Variants in SPTLC3 observed in about 807,000 individuals in gnomAD.
SPTLC3 encodes serine palmitoyltransferase long chain base subunit 3.
A neutral mutation model predicts 59.3 loss-of-function variants in SPTLC3; 36 were observed. The ratio of observed to expected loss-of-function variants is 0.61; its 90% CI spans 0.47 to 0.80. The LOEUF is 0.80. Ranked by LOEUF, SPTLC3 falls within the 30% of genes least tolerant of loss-of-function variation. The pLI, the probability that SPTLC3 is intolerant of heterozygous loss-of-function variation, is 0.00. For synonymous variants in SPTLC3, 257 were observed against 240.8 expected (o/e 1.07, Z -0.62); for missense variants, 625 against 685.1 (o/e 0.91, Z 0.98).
At chr20:13,098,243 A>G (rs1021013411) in intron 6 of SPTLC3, among the ~76,000 whole-genome samples, 14 of 152,298 alleles carry the variant, frequency 9.2e-5, no homozygotes, top group African/African-American at 1.7e-4. Flanking sequence ...AAGAAGACAC[A>G]TTGAATTATT....
At chr20:13,072,177 G>C (rs1988463394) in intron 2 of SPTLC3, 79 bp from the exon 3 acceptor site, 1 of 1,458,062 alleles carries the variant, frequency 6.9e-7, no homozygotes, top group Admixed American at 2.2e-5. Flanking sequence ...GCTCTTCCAG[G>C]TCTTCTTCCC....
At position 13,033,404 on chromosome 20, in the gene SPTLC3, G is replaced by T. The variant is rs1027443559; in HGVS notation, c.118-15541G>T. 3.3e-5 allele frequency among the ~76,000 whole-genome samples: 5 copies of T among 152,134 alleles called. No homozygotes were observed. In the South Asian group the frequency reaches 1.0e-3, roughly 32 times the overall value. ...TTCTTCAGAAAACCAGGCTAACAAA[G>T]GTTCTGGAATCTTTAATGTGTAGCT... On this transcript the variant is annotated intron_variant, in intron 1 of 11. Coordinates refer to ENST00000399002, the MANE Select transcript of SPTLC3 (RefSeq NM_018327.4).
chr20:13,158,408 C>A (rs1487447083), intron 10 of SPTLC3, among the ~76,000 whole-genome samples: 1 of 152,118 alleles, frequency 6.6e-6, no homozygotes, highest in South Asian at 2.1e-4. Flanking sequence ...ATATATTTTG[C>A]CCTGCATTCT....
At chr20:13,080,623 CCTAA>C (rs775209251) in intron 4 of SPTLC3, among the ~76,000 whole-genome samples, 10 of 151,768 alleles carry the variant, frequency 6.6e-5, no homozygotes, top group African/African-American at 1.9e-4. Context: ...ATCCTTTTTC[CCTAA>C]CTGACAAAAG....
chr20:13,106,508 C>T (rs561809015), intron 6 of SPTLC3, among the ~76,000 whole-genome samples: 14 of 152,062 alleles, frequency 9.2e-5, no homozygotes, highest in African/African-American at 3.1e-4. Flanking sequence ...TCCAGACAGA[C>T]AAGAGGAAAA....
At chr20:13,019,285 G>T (rs1985738881) in intron 1 of SPTLC3, among the ~76,000 whole-genome samples, 1 of 152,104 alleles carries the variant, frequency 6.6e-6, no homozygotes. Context: ...CTAAATGTTG[G>T]CATCTAATTT....
intron 8 of SPTLC3, among the ~76,000 whole-genome samples, chr20:13,120,731 G>A (rs1990858641): frequency 6.6e-6 from 1 of 152,198 alleles, no homozygotes. Flanking sequence ...CAGAGGTTTT[G>A]TTTTTATCTC....
At chr20:13,057,250 G>A (rs1158396149) in intron 2 of SPTLC3, among the ~76,000 whole-genome samples, 1 of 152,130 alleles carries the variant, frequency 6.6e-6, no homozygotes, top group African/African-American at 2.4e-5. Flanking sequence ...TGCCCCACAT[G>A]ACAAGCCAGC....
In SPTLC3 at chr20:13,167,844, G is replaced by A. The variant is rs541136443; in HGVS notation, c.*2977G>A. On this transcript the variant is annotated 3_prime_UTR_variant, in exon 12 of 12. Transcript: ENST00000399002. The stretch of plus-strand genomic sequence containing the variant: ...CTACATTTTTAACCAGCCTTCCTGC[G>A]TGATTCTAATCTATGCCAAAATTTA... 3.3e-5 allele frequency: 5 copies of A among 152,248 alleles called. No homozygotes were observed. Among genetic ancestry groups the A allele is most frequent in the South Asian group, 2.1e-4 (1 of 4,830 alleles). The allele number at this position is 152,248 out of a possible 1,614,324, so 9.4% of individuals were successfully genotyped here. A position where few individuals can be genotyped will look rare whatever the true frequency, so the allele number is the denominator to read the frequency against.
intron 1 of SPTLC3, among the ~76,000 whole-genome samples, chr20:13,020,163 A>G (rs1985793857): frequency 6.6e-6 from 1 of 152,158 alleles, no homozygotes; most frequent in African/African-American, 2.4e-5. Context: ...AATATCACAC[A>G]TAACACAAAG....
chr20:13,049,011 G>A lies in SPTLC3; in HGVS notation c.184G>A (p.Val62Ile). The A allele has an allele frequency of 6.2e-7, 1 of 1,610,842 alleles. No homozygotes were observed. The highest frequency in any genetic ancestry group is 1.3e-5 in the African/African-American group (1 of 74,716). Residue 62 changes from valine to isoleucine, a missense_variant, in exon 2 of 12, where the codon GTT (valine) becomes ATT (isoleucine). Physicochemically the swap from Val to Ile is conservative, Grantham distance 29 (BLOSUM62 3). Transcript: ENST00000399002. ...ATCGTTTGAGGAAGCACCCCTTCATGTTATGGTTTTCACTTACATGGGATA... is the reference window on the plus strand; with the variant it reads ...ATCGTTTGAGGAAGCACCCCTTCATATTATGGTTTTCACTTACATGGGATA... ...VESFEEAPLH[V>I]MVFTYMGYGI... is the part of the protein sequence containing the mutation.
At chr20:13,035,565 T>C (rs1986697151) in intron 1 of SPTLC3, among the ~76,000 whole-genome samples, 1 of 152,134 alleles carries the variant, frequency 6.6e-6, no homozygotes, top group Non-Finnish European at 1.5e-5. Context: ...AGGTGCTGTG[T>C]CCAAATAAAC....
intron 11 of SPTLC3, among the ~76,000 whole-genome samples, chr20:13,161,359 A>G (rs1312144414): frequency 6.6e-6 from 1 of 152,192 alleles, no homozygotes; most frequent in African/African-American, 2.4e-5. Context: ...TAGAAGAAAA[A>G]TAAGGTTCTA....
At chr20:13,093,810 T>C (rs1989316526) in intron 6 of SPTLC3, among the ~76,000 whole-genome samples, 1 of 152,198 alleles carries the variant, frequency 6.6e-6, no homozygotes. Flanking sequence ...TCACTGTTAG[T>C]GGTTTTGCAA....
intron 8 of SPTLC3, among the ~76,000 whole-genome samples, chr20:13,124,895 G>A (rs968244067): frequency 1.3e-5 from 2 of 152,168 alleles, no homozygotes; most frequent in Non-Finnish European, 2.9e-5. Flanking sequence ...AGAGGATCTC[G>A]ATTCCCAAGA....
At chr20:13,067,654 T>C (rs1046779959) in intron 2 of SPTLC3, among the ~76,000 whole-genome samples, 4 of 152,318 alleles carry the variant, frequency 2.6e-5, no homozygotes, top group South Asian at 2.1e-4. Flanking sequence ...AATATCTCTA[T>C]CTAATTCTTT....
Position 13,126,584 on chromosome 20 carries a change from A to G in SPTLC3, c.1153-7A>G. 3.1e-6 allele frequency: 5 copies of G among 1,613,024 alleles called. No homozygotes were observed. Among genetic ancestry groups the G allele is most frequent in the Non-Finnish European group, 4.2e-6 (5 of 1,179,616 alleles). ...CCTTCTTTTTGGGTTTCCCCTCTTT[A>G]TTTAAGGACCTCGTGGATTATTTAC... On this transcript the variant is annotated splice_polypyrimidine_tract_variant and splice_region_variant and intron_variant, in intron 8 of 11. Coordinates refer to ENST00000399002, the MANE Select transcript of SPTLC3 (RefSeq NM_018327.4).
At chr20:13,119,516 A>C (rs184656871) in intron 8 of SPTLC3, among the ~76,000 whole-genome samples, 302 of 152,326 alleles carry the variant, frequency 2.0e-3, no homozygotes, top group African/African-American at 7.0e-3. Context: ...ATTTACATTA[A>C]TCGGGATGCA....
intron 2 of SPTLC3, among the ~76,000 whole-genome samples, chr20:13,070,595 G>A (rs1261755655): frequency 6.6e-6 from 1 of 152,188 alleles, no homozygotes; most frequent in Non-Finnish European, 1.5e-5. Context: ...GGGAGAATGA[G>A]AAGGCTCACT....
Sources: gnomAD v4.1 joint callset for allele counts (sites outside exome capture counted in the v4.1 genomes callset) on GRCh38, gnomAD v4.1.1 for gene constraint, MANE v1.5 for transcripts, NCBI Gene and HGNC (gene_info 2026-07-23, HGNC 2026-07-21) for gene names.